Variants in SPATA31H1 observed in about 807,000 individuals in gnomAD.
SPATA31H1 encodes the protein spermatogenesis-associated protein 31H1.
the SPATA31H1 span, chr2:27,573,556 C>T: frequency 2.5e-6 from 1 of 398,550 alleles, no homozygotes; most frequent in Non-Finnish European, 4.4e-6. Flanking sequence ...AAACCTATTG[C>T]TTTGAAATCT....
the SPATA31H1 span, chr2:27,576,912 C>T: frequency 1.9e-6 from 3 of 1,614,076 alleles, no homozygotes; most frequent in Non-Finnish European, 2.5e-6. Flanking sequence ...AACAAATTAT[C>T]AAATCATGGA....
chr2:27,540,672 C>A, the SPATA31H1 span, among the ~76,000 whole-genome samples: 1 of 137,180 alleles, frequency 7.3e-6, no homozygotes, highest in Non-Finnish European at 1.6e-5. Flanking sequence ...ACTTCTCAGA[C>A]GGGGCGGCCG....
At chr2:27,577,316 G>T in the SPATA31H1 span, 43 of 1,613,876 alleles carry the variant, frequency 2.7e-5, no homozygotes, top group Non-Finnish European at 5.9e-6. This position sits in a 1 kb window ranked among gnomAD's most constrained non-coding sequence, Gnocchi z 4.5. Flanking sequence ...TTAAGGATGT[G>T]GGGGAGTTAT....
the SPATA31H1 span, chr2:27,572,158 A>C: frequency 2.5e-6 from 1 of 398,476 alleles, no homozygotes. Context: ...AATATGCAAG[A>C]TGTAAAAGCT....
the SPATA31H1 span, among the ~76,000 whole-genome samples, chr2:27,558,924 GGAGGGAGAGGGAGAGGGAGAGGGA>G: frequency 1.1e-5 from 1 of 87,742 alleles, no homozygotes; most frequent in South Asian, 4.9e-4. Flanking sequence ...AGAGGGAGGG[GGAGGGAGAGGGAGAGGGAGAGGGA>G]GAGGGAGAGG....
At chr2:27,574,336 A>G in the SPATA31H1 span, 1 of 398,556 alleles carries the variant, frequency 2.5e-6, no homozygotes, top group Admixed American at 4.4e-5. Context: ...GGAAAGCTTC[A>G]GGGTGTGAAA....
At chr2:27,555,636 C>T in the SPATA31H1 span, among the ~76,000 whole-genome samples, 13 of 151,760 alleles carry the variant, frequency 8.6e-5, no homozygotes, top group Middle Eastern at 3.4e-3. Context: ...ATTGTGTCAC[C>T]GCACTGCAGT....
chr2:27,582,321 C>T, the SPATA31H1 span: 2 of 1,614,114 alleles, frequency 1.2e-6, no homozygotes, highest in Non-Finnish European at 1.7e-6. Context: ...TGAGATGAGG[C>T]CAGGGAGGCC....
At chr2:27,547,080 A>G in the SPATA31H1 span, among the ~76,000 whole-genome samples, 3 of 151,880 alleles carry the variant, frequency 2.0e-5, no homozygotes, top group East Asian at 5.8e-4. Context: ...GTTTTGTTAC[A>G]TTGGTCTGCC....
At chr2:27,575,471 G>A in the SPATA31H1 span, 1 of 398,448 alleles carries the variant, frequency 2.5e-6, no homozygotes, top group East Asian at 3.6e-5. The surrounding 1 kb of genome is among the most constrained non-coding windows in gnomAD (Gnocchi z 4.1). Context: ...AATCTTCTGA[G>A]TTGTGCCTAG....
At chr2:27,577,955 A>G in the SPATA31H1 span, 2 of 1,614,086 alleles carry the variant, frequency 1.2e-6, no homozygotes, top group African/African-American at 2.7e-5. The surrounding 1 kb of genome is among the most constrained non-coding windows in gnomAD (Gnocchi z 4.5). Context: ...TGAAATCTCC[A>G]GGGACAACCC....
chr2:27,568,884 A>C, the SPATA31H1 span: 10 of 398,878 alleles, frequency 2.5e-5, no homozygotes, highest in African/African-American at 2.1e-4. Flanking sequence ...CCCCAAACAA[A>C]ATCATGAAGC....
chr2:27,564,815 T>C, the SPATA31H1 span, among the ~76,000 whole-genome samples: 12 of 151,920 alleles, frequency 7.9e-5, no homozygotes, highest in African/African-American at 2.7e-4. Flanking sequence ...AAAAAAAAAA[T>C]TGTTTTATTT....
chr2:27,563,562 A>T, the SPATA31H1 span, among the ~76,000 whole-genome samples: 4 of 138,252 alleles, frequency 2.9e-5, no homozygotes, highest in African/African-American at 8.0e-5. Flanking sequence ...CACCCAGCTA[A>T]TTTTTTTTTT....
At chr2:27,554,734 C>T in the SPATA31H1 span, among the ~76,000 whole-genome samples, 72 of 151,998 alleles carry the variant, frequency 4.7e-4, 1 homozygote, top group South Asian at 0.013. Flanking sequence ...CCATCATGCC[C>T]GGCTAATTTT....
At chr2:27,563,605 C>G in the SPATA31H1 span, among the ~76,000 whole-genome samples, 1 of 151,068 alleles carries the variant, frequency 6.6e-6, no homozygotes, top group East Asian at 1.9e-4. Flanking sequence ...TGTCACCCAG[C>G]CTGGAGTTCA....
the SPATA31H1 span, chr2:27,566,284 T>A: frequency 1.4e-6 from 1 of 717,196 alleles, no homozygotes; most frequent in African/African-American, 1.7e-5. Flanking sequence ...CACTGTTGCA[T>A]CCAGTGTTTC....
the SPATA31H1 span, among the ~76,000 whole-genome samples, chr2:27,550,752 T>C: frequency 1.3e-5 from 2 of 151,954 alleles, no homozygotes. Context: ...TTTTCATGTC[T>C]CTATGTGAGA....
At chr2:27,553,907 A>G in the SPATA31H1 span, among the ~76,000 whole-genome samples, 1 of 151,816 alleles carries the variant, frequency 6.6e-6, no homozygotes, top group African/African-American at 2.4e-5. Context: ...GGGCAACAAG[A>G]AAAAAACTCT....
Sources: gnomAD v4.1 joint callset for allele counts (sites outside exome capture counted in the v4.1 genomes callset) on GRCh38, gnomAD v4.1.1 for gene constraint, Gnocchi (gnomAD v3.1) non-coding constraint, MANE v1.5 for transcripts, NCBI Gene and HGNC (gene_info 2026-07-23, HGNC 2026-07-21) for gene names.